CEP112: variants seen among roughly 807,000 people sequenced by gnomAD.
CEP112 encodes the protein centrosomal protein 112.
In CEP112, 127 loss-of-function variants were observed where a neutral mutation model predicts 153.0. That is an observed-to-expected ratio of 0.83 (90% confidence interval 0.72 to 0.96). The LOEUF is 0.96. Among genes scored for constraint, CEP112 ranks in the 40% least tolerant of loss-of-function variants. The pLI, the probability that CEP112 is intolerant of heterozygous loss-of-function variation, is 0.00. For missense variants in CEP112, 1,089 were observed against 1,101.2 expected, an observed-to-expected ratio of 0.99 and a Z score of 0.16; for synonymous variants, 358 against 374.4, an observed-to-expected ratio of 0.96 and a Z score of 0.51.
At chr17:65,795,946 G>A (rs1016507155) in intron 21 of CEP112, among the ~76,000 whole-genome samples, 1 of 152,056 alleles carries the variant, frequency 6.6e-6, no homozygotes, top group Non-Finnish European at 1.5e-5. Context: ...TTCACACTTC[G>A]GTAATTAGCT....
rs1458255110 is a variant in CEP112 at position 65,870,082 on chromosome 17, A to AAAGAAAG, written c.2164-18049_2164-18048insCTTTCTT. ...GAAAGAAAGAAAGAAAGAAAGAAAG[A>AAAGAAAG]AAAGAAAGAAAGAGAAAATACAAAG... is the stretch of plus-strand genomic sequence containing the variant. On this transcript the variant is annotated intron_variant, in intron 20 of 26. Transcript: ENST00000535342. 6.8e-5 allele frequency among the ~76,000 whole-genome samples: 5 copies of AAAGAAAG among 73,328 alleles called. No individual in the cohort carries two copies. The Admixed American group carries it at 7.1e-4, about 10-fold the overall frequency. 48.1% of individuals were successfully genotyped at this position (73,328 alleles called of 152,430 possible). A position where few individuals can be genotyped will look rare whatever the true frequency, so the allele number is the denominator to read the frequency against.
intron 17 of CEP112, among the ~76,000 whole-genome samples, chr17:65,971,125 G>A (rs1038147522): frequency 6.6e-6 from 1 of 152,094 alleles, no homozygotes; most frequent in Non-Finnish European, 1.5e-5. Flanking sequence ...TTGCGTGTAT[G>A]AGATTTATAT....
chr17:66,096,684 AATT>A (rs755998922), intron 6 of CEP112, 52 bp from the exon 7 acceptor site: 1 of 1,150,856 alleles, frequency 8.7e-7, no homozygotes, highest in Non-Finnish European at 1.3e-6. Flanking sequence ...TTGGAGTTTT[AATT>A]ATTATTTGAT....
At chr17:65,886,856 G>C (rs954837963) in intron 20 of CEP112, among the ~76,000 whole-genome samples, 1 of 151,942 alleles carries the variant, frequency 6.6e-6, no homozygotes, top group African/African-American at 2.4e-5. Context: ...GGTTGCTTAG[G>C]GGAAAAAAAT....
chr17:66,150,060 ATTT>A (rs772359218), intron 4 of CEP112, among the ~76,000 whole-genome samples: 3 of 123,018 alleles, frequency 2.4e-5, no homozygotes, highest in East Asian at 4.7e-4. Flanking sequence ...TGCCCAGCTA[ATTT>A]TTTTTTTTTT....
At chr17:65,813,422 T>A (rs2056091390) in intron 21 of CEP112, among the ~76,000 whole-genome samples, 1 of 152,168 alleles carries the variant, frequency 6.6e-6, no homozygotes, top group South Asian at 2.1e-4. Context: ...ATGAATTGGT[T>A]CATAAAACCA....
Position 65,991,101 on chromosome 17 carries a change from A to C in CEP112, c.1736+14589T>G, listed in dbSNP as rs563372443. On this transcript the variant is annotated intron_variant, in intron 17 of 26. Transcript: ENST00000535342. ...CATTTTATCACAACCTTCTATTACA[A>C]TGGTATACAAAATAATTCTCTTTTG... is the stretch of plus-strand genomic sequence containing the variant. 2.0e-5 allele frequency among the ~76,000 whole-genome samples: 3 copies of C among 152,324 alleles called. No homozygotes were observed. The South Asian group carries it at 6.2e-4, about 32-fold the overall frequency.
intron 17 of CEP112, among the ~76,000 whole-genome samples, chr17:65,969,238 C>G (rs376865331): frequency 6.6e-6 from 1 of 152,008 alleles, no homozygotes; most frequent in Admixed American, 6.6e-5. Flanking sequence ...TGCAGTACCA[C>G]GCCTGACTAG....
At chr17:66,052,200 T>A (rs563307875) in intron 12 of CEP112, among the ~76,000 whole-genome samples, 2 of 152,200 alleles carry the variant, frequency 1.3e-5, no homozygotes, top group African/African-American at 4.8e-5. Flanking sequence ...TAAGTACCCA[T>A]GCAACCATTT....
At chr17:65,770,338 A>G (rs950952603) in intron 21 of CEP112, among the ~76,000 whole-genome samples, 3 of 152,024 alleles carry the variant, frequency 2.0e-5, no homozygotes, top group African/African-American at 7.2e-5. Flanking sequence ...TGAATCTTTA[A>G]AGTGCTGAAA....
intron 5 of CEP112, among the ~76,000 whole-genome samples, chr17:66,131,669 A>C (rs1240369304): frequency 1.3e-5 from 2 of 152,114 alleles, no homozygotes; most frequent in African/African-American, 4.8e-5. Context: ...TGAACCCGGG[A>C]GGCGGAGCTT....
chr17:65,892,317 A>G (rs1357099276), intron 20 of CEP112, among the ~76,000 whole-genome samples: 1 of 152,208 alleles, frequency 6.6e-6, no homozygotes, highest in Non-Finnish European at 1.5e-5. Context: ...TTTGATTTAC[A>G]TATTATCTGA....
intron 17 of CEP112, among the ~76,000 whole-genome samples, chr17:65,966,628 T>G (rs2062425212): frequency 6.6e-6 from 1 of 152,224 alleles, no homozygotes; most frequent in South Asian, 2.1e-4. Context: ...CAATATCACC[T>G]ATATTCATGG....
At chr17:66,003,568 T>A (rs1228120552) in intron 17 of CEP112, among the ~76,000 whole-genome samples, 1 of 152,212 alleles carries the variant, frequency 6.6e-6, no homozygotes, top group Non-Finnish European at 1.5e-5. Flanking sequence ...TTTTATTTCC[T>A]TTAGTATGAT....
intron 23 of CEP112, among the ~76,000 whole-genome samples, chr17:65,694,083 G>A (rs2048247914): frequency 6.6e-6 from 1 of 152,166 alleles, no homozygotes; most frequent in Admixed American, 6.5e-5. Context: ...AGGACCCCTG[G>A]CTAGCAGATC....
intron 20 of CEP112, among the ~76,000 whole-genome samples, chr17:65,897,794 TC>T (rs2059708069): frequency 6.6e-6 from 1 of 152,066 alleles, no homozygotes; most frequent in African/African-American, 2.4e-5. Context: ...ATCTAAAGTT[TC>T]CCCACCAGAT....
intron 24 of CEP112, among the ~76,000 whole-genome samples, chr17:65,677,060 T>C (rs894880773): frequency 6.7e-6 from 1 of 150,040 alleles, no homozygotes; most frequent in African/African-American, 2.5e-5. Flanking sequence ...CCAAATAAGT[T>C]TGTCAGGGCC....
intron 4 of CEP112, among the ~76,000 whole-genome samples, chr17:66,163,791 T>G (rs2071815736): frequency 6.6e-6 from 1 of 152,170 alleles, no homozygotes; most frequent in Non-Finnish European, 1.5e-5. Flanking sequence ...TTCATTAAAA[T>G]TAAATGTTAA....
chr17:65,940,496 T>C (rs889546097), intron 18 of CEP112, among the ~76,000 whole-genome samples: 31 of 152,278 alleles, frequency 2.0e-4, no homozygotes, highest in African/African-American at 5.1e-4. Context: ...TATGTATCCA[T>C]TGAAGGATAA....
Sources: allele counts gnomAD v4.1 joint callset (sites outside exome capture counted in the v4.1 genomes callset), GRCh38; gene constraint gnomAD v4.1.1; transcripts MANE v1.5; gene names NCBI Gene and HGNC (gene_info 2026-07-23, HGNC 2026-07-21).